The following ADAM29 variants were observed in gnomAD, a reference collection of about 807,000 sequenced individuals.
ADAM29 encodes ADAM metallopeptidase domain 29.
For synonymous variants in ADAM29, 367 were observed against 342.3 expected (o/e 1.07, Z -0.80); for missense variants, 969 against 1,001.8 (o/e 0.97, Z 0.44).
intron 4 of ADAM29, among the ~76,000 whole-genome samples, chr4:174,956,934 T>C (rs1183217634): frequency 6.6e-6 from 1 of 151,972 alleles, no homozygotes; most frequent in Non-Finnish European, 1.5e-5. Context: ...TGATGCTTTG[T>C]AAATCAGCAT....
chr4:174,942,835 A>G (rs2110980977), intron 4 of ADAM29, among the ~76,000 whole-genome samples: 1 of 152,338 alleles, frequency 6.6e-6, no homozygotes, highest in South Asian at 2.1e-4. Context: ...CCAAATGGTC[A>G]GGCTGCAAAT....
At chr4:174,973,871 C>T (rs975831040) in intron 4 of ADAM29, among the ~76,000 whole-genome samples, 7 of 152,110 alleles carry the variant, frequency 4.6e-5, no homozygotes, top group Non-Finnish European at 1.5e-5. Context: ...TGATAGAGGG[C>T]TAGGAAATAT....
At position 174,975,665 on chromosome 4, in the gene ADAM29, C is replaced by T; in HGVS notation, c.140C>T (p.Thr47Ile). ...ATAACTGGCACCACCAGAGGCATGA[C>T]ACCTCCAGGCTGGCTCTCCTATATC... ...VRITGTTRGM[T>I]PPGWLSYILP... Residue 47 changes from threonine (T) to isoleucine (I), a missense_variant, in exon 5 of 5, where the codon ACA (threonine) becomes ATA (isoleucine). Physicochemically the swap from Thr to Ile is moderately conservative, Grantham distance 89. Transcript: ENST00000359240. 6.2e-7 allele frequency: 1 copy of T among 1,613,128 alleles called. No individual in the cohort carries two copies. Among genetic ancestry groups the T allele is most frequent in the Admixed American group, 1.7e-5 (1 of 59,898 alleles).
Position 174,975,657 on chromosome 4 carries a change from A to G in ADAM29, c.132A>G (p.Arg44=), listed in dbSNP as rs775631736. 1.2e-6 allele frequency: 2 copies of G among 1,613,236 alleles called. No homozygotes were observed. The highest frequency in any genetic ancestry group is 1.7e-6 in the Non-Finnish European group (2 of 1,179,628). The part of the protein sequence containing the change: ...VIPVRITGTT[R]GMTPPGWLSY... ...CTGTGAGGATAACTGGCACCACCAG[A>G]GGCATGACACCTCCAGGCTGGCTCT... Residue 44 remains arginine, a synonymous_variant, in exon 5 of 5, where the codon AGA becomes AGG. Transcript: ENST00000359240.
intron 4 of ADAM29, among the ~76,000 whole-genome samples, chr4:174,940,948 C>T (rs1744502079): frequency 6.6e-6 from 1 of 151,932 alleles, no homozygotes; most frequent in Non-Finnish European, 1.5e-5. Flanking sequence ...AAATGTATGC[C>T]ATTAGTTAGA....
intron 4 of ADAM29, among the ~76,000 whole-genome samples, chr4:174,942,581 A>G (rs892574243): frequency 6.6e-6 from 1 of 152,070 alleles, no homozygotes; most frequent in African/African-American, 2.4e-5. Flanking sequence ...AGTGGCTGGG[A>G]TGCAGAGCAC....
chr4:174,919,751 G>A (rs7682685), intron 1 of ADAM29, among the ~76,000 whole-genome samples: 140,178 of 152,206 alleles, frequency 0.92, 64,574 homozygotes, highest in East Asian at 0.96. Flanking sequence ...TCCCTTTTGA[G>A]TCAAAGTCAA....
In ADAM29 at chr4:174,977,094, A is replaced by T; in HGVS notation, c.1569A>T (p.Glu523Asp). The T allele has an allele frequency of 6.2e-7, 1 of 1,614,072 alleles. No individual in the cohort carries two copies. The highest frequency in any genetic ancestry group is 1.7e-4 in the Middle Eastern group (1 of 6,060). ...ANTASETCYK[E>D]LNTLGDRVGH... ...CTGCAAGTGAGACTTGCTACAAAGA[A>T]TTGAACACCTTAGGTGACCGTGTTG... The change falls in exon 5 of 5, where the codon GAA (glutamate) becomes GAT (aspartate). Residue 523 changes from glutamate to aspartate, a missense_variant. Transcript: ENST00000359240.
intron 4 of ADAM29, among the ~76,000 whole-genome samples, chr4:174,952,380 A>C (rs376397793): frequency 4.0e-5 from 6 of 148,532 alleles, no homozygotes; most frequent in East Asian, 2.0e-4. Context: ...ACACACACAC[A>C]CCTTAATTAC....
At chr4:174,957,951 C>T (rs1452207254) in intron 4 of ADAM29, among the ~76,000 whole-genome samples, 3 of 151,770 alleles carry the variant, frequency 2.0e-5, no homozygotes, top group African/African-American at 4.8e-5. Flanking sequence ...TGGATCACAG[C>T]TTTGCCAGTA....
chr4:174,951,495 GTTTA>G (rs1745172980), intron 4 of ADAM29, among the ~76,000 whole-genome samples: 2 of 152,092 alleles, frequency 1.3e-5, no homozygotes, highest in Admixed American at 6.5e-5. Flanking sequence ...TTGTATAATG[GTTTA>G]TTTGTTTGAA....
chr4:174,920,267 T>A (rs1359472144), intron 1 of ADAM29, among the ~76,000 whole-genome samples: 1 of 152,212 alleles, frequency 6.6e-6, no homozygotes, highest in Non-Finnish European at 1.5e-5. Context: ...TTTTACTTTC[T>A]ACCTTAAACT....
At chr4:174,975,203 C>A (rs374102723) in intron 4 of ADAM29, 143 bp from the exon 5 acceptor site, 8 of 224,288 alleles carry the variant, frequency 3.6e-5, no homozygotes, top group African/African-American at 1.8e-4. Context: ...AAATTCTAGG[C>A]AATTTTTTGA....
intron 4 of ADAM29, among the ~76,000 whole-genome samples, chr4:174,966,867 C>A (rs935670105): frequency 6.6e-6 from 1 of 152,154 alleles, no homozygotes; most frequent in Non-Finnish European, 1.5e-5. Context: ...ATAATTCAGT[C>A]CTAAAAATAG....
chr4:174,955,187 G>T (rs1208422000), intron 4 of ADAM29, among the ~76,000 whole-genome samples: 2 of 151,840 alleles, frequency 1.3e-5, no homozygotes, highest in African/African-American at 4.8e-5. Context: ...CCAAGAACAA[G>T]GTATGAAATC....
At chr4:174,964,569 A>G (rs908667379) in intron 4 of ADAM29, among the ~76,000 whole-genome samples, 2 of 152,122 alleles carry the variant, frequency 1.3e-5, no homozygotes, top group African/African-American at 4.8e-5. Flanking sequence ...ACAGATTCTT[A>G]GGAGACCATA....
chr4:174,951,358 A>C (rs1036812225), intron 4 of ADAM29, among the ~76,000 whole-genome samples: 5 of 152,118 alleles, frequency 3.3e-5, no homozygotes, highest in African/African-American at 1.2e-4. Context: ...TTATTACTTC[A>C]CACTTCTTTC....
chr4:174,963,736 G>A (rs1004376521), intron 4 of ADAM29, among the ~76,000 whole-genome samples: 1 of 152,138 alleles, frequency 6.6e-6, no homozygotes, highest in Non-Finnish European at 1.5e-5. Context: ...AGGCTGGAGT[G>A]CAGTGGCACG....
At chr4:174,967,653 G>A (rs1746229117) in intron 4 of ADAM29, among the ~76,000 whole-genome samples, 1 of 152,190 alleles carries the variant, frequency 6.6e-6, no homozygotes. Flanking sequence ...CCTGAGTTTG[G>A]TAATAACTAG....
Sources: allele counts gnomAD v4.1 joint callset (sites outside exome capture counted in the v4.1 genomes callset), GRCh38; gene constraint gnomAD v4.1.1; transcripts MANE v1.5; gene names NCBI Gene and HGNC (gene_info 2026-07-23, HGNC 2026-07-21).